GRIK2: variants seen among roughly 807,000 people sequenced by gnomAD.
The protein encoded by GRIK2 is glutamate ionotropic receptor kainate type subunit 2, also known as glutamate receptor ionotropic, kainate 2.
GRIK2 carries 32 observed loss-of-function variants against 100.3 expected under a neutral mutation model. That is an observed-to-expected ratio of 0.32 (90% CI 0.24 to 0.43). GRIK2 has a LOEUF of 0.43. Among genes scored for constraint, GRIK2 ranks in the 20% least tolerant of loss-of-function variants. GRIK2 has a pLI of 1.00. For missense variants in GRIK2, 843 were observed against 1,114.9 expected (o/e 0.76, Z 3.47); for synonymous variants, 417 against 389.4 (o/e 1.07, Z -0.83).
chr6:101,979,399 A>G (rs576040472), intron 14 of GRIK2, among the ~76,000 whole-genome samples: 18 of 152,138 alleles, frequency 1.2e-4, no homozygotes, highest in African/African-American at 4.3e-4. Context: ...TACCGCTGCA[A>G]AGGATGGTGG....
intron 7 of GRIK2, among the ~76,000 whole-genome samples, chr6:101,695,406 A>G (rs538296398): frequency 1.3e-5 from 2 of 152,244 alleles, no homozygotes; most frequent in East Asian, 3.9e-4. Flanking sequence ...ATTCTGTTTT[A>G]TTGGGGATTA....
intron 2 of GRIK2, among the ~76,000 whole-genome samples, chr6:101,570,702 C>G (rs1278728885): frequency 6.6e-6 from 1 of 152,152 alleles, no homozygotes; most frequent in African/African-American, 2.4e-5. Flanking sequence ...AATGCCAACA[C>G]TTTAGCAGAT....
At chr6:101,599,310 G>A (rs1052309536) in intron 2 of GRIK2, among the ~76,000 whole-genome samples, 1 of 151,564 alleles carries the variant, frequency 6.6e-6, no homozygotes, top group Non-Finnish European at 1.5e-5. Context: ...TTCTTGATCA[G>A]TCCCCTATTG....
intron 15 of GRIK2, among the ~76,000 whole-genome samples, chr6:102,046,099 T>C (rs1032955468): frequency 6.6e-6 from 1 of 152,098 alleles, no homozygotes; most frequent in African/African-American, 2.4e-5. Context: ...AAGAAGGTCA[T>C]TATTTAATGA....
intron 2 of GRIK2, among the ~76,000 whole-genome samples, chr6:101,527,784 A>G (rs1775226444): frequency 6.6e-6 from 1 of 152,216 alleles, no homozygotes; most frequent in African/African-American, 2.4e-5. Flanking sequence ...CTGGAAAATA[A>G]TAGGAAAATA....
chr6:102,041,601 C>G (rs1295921195), intron 15 of GRIK2, among the ~76,000 whole-genome samples: 1 of 151,436 alleles, frequency 6.6e-6, no homozygotes, highest in Non-Finnish European at 1.5e-5. Context: ...TTAGTTTCAC[C>G]TGGATGAAAC....
chr6:102,005,615 A>C (rs903568902), intron 14 of GRIK2, among the ~76,000 whole-genome samples: 5 of 152,098 alleles, frequency 3.3e-5, no homozygotes, highest in African/African-American at 1.2e-4. Context: ...TTAAACACTT[A>C]TCTTGTTCAT....
Position 101,803,191 on chromosome 6 carries a change from C to T in GRIK2, c.1203+753C>T, listed in dbSNP as rs144784847. Reference sequence around the variant, plus strand: ...ATTATATGTGACTGAGATAATATTGCTTTGAAGATAGTAAGCTATCTTATA... The same window carrying T: ...ATTATATGTGACTGAGATAATATTGTTTTGAAGATAGTAAGCTATCTTATA... On this transcript the variant is annotated intron_variant, in intron 9 of 16. Transcript: ENST00000369134. Among the ~76,000 whole-genome samples the T allele has an allele frequency of 7.5e-3, 1,136 of 151,704 alleles. 7 individuals carry two copies. The highest frequency in any genetic ancestry group is 9.7e-3 in the Non-Finnish European group (661 of 67,798).
chr6:101,756,607 G>A (rs985604603), intron 7 of GRIK2, among the ~76,000 whole-genome samples: 2 of 152,078 alleles, frequency 1.3e-5, no homozygotes, highest in Admixed American at 1.3e-4. Flanking sequence ...TTTGAAGGTT[G>A]CCATAAACTC....
intron 14 of GRIK2, among the ~76,000 whole-genome samples, chr6:101,931,775 A>G (rs1197059115): frequency 6.6e-6 from 1 of 152,170 alleles, no homozygotes; most frequent in African/African-American, 2.4e-5. Flanking sequence ...CATTATTTTC[A>G]TGTAAGCAAT....
chr6:101,427,594 G>T lies in GRIK2; in HGVS notation c.115+28202G>T, dbSNP rs552489513. ...AATTCAGTACTTTATTATTTTTCTA[G>T]CAAAGAATGTACCTGTGCTCCCTGG... is the stretch of plus-strand genomic sequence containing the variant. On this transcript the variant is annotated intron_variant, in intron 2 of 16. Coordinates refer to ENST00000369134, the MANE Select transcript of GRIK2 (RefSeq NM_021956.5). Among the ~76,000 whole-genome samples, 181 of 152,192 alleles carry T rather than the reference G, an allele frequency of 1.2e-3. 1 individual carries two copies. Among genetic ancestry groups the T allele is most frequent in the African/African-American group, 4.1e-3 (170 of 41,502 alleles).
intron 7 of GRIK2, among the ~76,000 whole-genome samples, chr6:101,689,945 C>T (rs1771975129): frequency 1.3e-5 from 2 of 152,080 alleles, no homozygotes; most frequent in African/African-American, 4.8e-5. Context: ...TAACATCTTC[C>T]CCAGTCCTCT....
At chr6:101,981,141 C>A (rs1265771800) in intron 14 of GRIK2, among the ~76,000 whole-genome samples, 1 of 151,714 alleles carries the variant, frequency 6.6e-6, no homozygotes, top group Non-Finnish European at 1.5e-5. Flanking sequence ...CAGAAGCAGA[C>A]CCAAGCAGGT....
intron 2 of GRIK2, among the ~76,000 whole-genome samples, chr6:101,475,056 G>C (rs1041422476): frequency 5.9e-5 from 9 of 151,758 alleles, no homozygotes; most frequent in African/African-American, 2.2e-4. Context: ...TGTAACTCTT[G>C]TGTTGATCAA....
At chr6:102,007,899 T>G (rs568249505) in intron 14 of GRIK2, among the ~76,000 whole-genome samples, 34 of 152,132 alleles carry the variant, frequency 2.2e-4, no homozygotes, top group African/African-American at 7.5e-4. Context: ...CTCCCTACAT[T>G]TGAAGTATAA....
At chr6:101,581,917 C>T (rs1778117296) in intron 2 of GRIK2, among the ~76,000 whole-genome samples, 1 of 152,080 alleles carries the variant, frequency 6.6e-6, no homozygotes, top group Admixed American at 6.6e-5. Flanking sequence ...TTCTGCCTCA[C>T]AACCCAAATC....
chr6:101,704,554 CAAT>C (rs1393625299), intron 7 of GRIK2, among the ~76,000 whole-genome samples: 8 of 151,592 alleles, frequency 5.3e-5, no homozygotes, highest in African/African-American at 1.7e-4. Context: ...GTTTTTAAAT[CAAT>C]AATAATTCTT....
At chr6:101,827,416 A>G (rs1440353393) in intron 10 of GRIK2, among the ~76,000 whole-genome samples, 3 of 151,956 alleles carry the variant, frequency 2.0e-5, no homozygotes, top group African/African-American at 4.8e-5. Context: ...TTATTGCTCT[A>G]TAAGCCTGGC....
rs191259186 is a variant in GRIK2 at position 101,700,720 on chromosome 6, C to T, written c.951+14367C>T. 2.5e-3 allele frequency among the ~76,000 whole-genome samples: 377 copies of T among 148,950 alleles called. 6 individuals carry two copies. The highest frequency in any genetic ancestry group is 9.6e-3 in the African/African-American group (370 of 38,384). On this transcript the variant is annotated intron_variant, in intron 7 of 16. Transcript: ENST00000369134. ...AGATCAGTCCCTTCTAACTTGATAA[C>T]TTGTGCTTTTCCTGCCCTATCCTGC...
Sources: gnomAD v4.1 joint callset for allele counts (sites outside exome capture counted in the v4.1 genomes callset) on GRCh38, gnomAD v4.1.1 for gene constraint, MANE v1.5 for transcripts, NCBI Gene and HGNC (gene_info 2026-07-23, HGNC 2026-07-21) for gene names.